SBNO2: variants seen among roughly 807,000 people sequenced by gnomAD.
SBNO2 encodes the protein protein strawberry notch homolog 2.
In SBNO2, 89 loss-of-function variants were observed where a neutral mutation model predicts 146.3. The ratio of observed to expected loss-of-function variants is 0.61; its 90% CI spans 0.51 to 0.73. The LOEUF (loss-of-function observed/expected upper bound fraction) is 0.73. Among genes scored for constraint, SBNO2 ranks in the 30% least tolerant of loss-of-function variants. The probability of loss-of-function intolerance (pLI) is 0.00; values close to 1 mark genes in which losing one functional copy is unlikely to be tolerated. For missense variants in SBNO2, 2,092 were observed against 2,003.7 expected (o/e 1.04, Z -0.84); for synonymous variants, 1,147 against 892.6 (o/e 1.29, Z -5.08).
At chr19:1,122,631 C>T (rs1443345976) in intron 9 of SBNO2, 27 bp downstream of exon 9, 27 of 1,520,682 alleles carry the variant, frequency 1.8e-5, no homozygotes, top group African/African-American at 4.1e-5. Flanking sequence ...CCCCCGCTCC[C>T]GCCCCCTGCC....
intron 4 of SBNO2, among the ~76,000 whole-genome samples, chr19:1,133,199 G>C (rs1334833423): frequency 6.6e-6 from 1 of 152,136 alleles, no homozygotes; most frequent in African/African-American, 2.4e-5. Context: ...AGCGACTGAC[G>C]GGGCAGAGGC....
At position 1,127,666 on chromosome 19, in the gene SBNO2, C is replaced by T. The variant is rs749017010; in HGVS notation, c.379G>A (p.Asp127Asn). The T allele has an allele frequency of 1.2e-6, 2 of 1,613,542 alleles. No individual in the cohort carries two copies. Among genetic ancestry groups the T allele is most frequent in the South Asian group, 2.2e-5 (2 of 91,086 alleles). ...ATGGTGGACACCTGGTTGAGGCTGT[C>T]AGCCGGCAGGAAGTCGGGCGTGTCC... ...IVDTPDFLPADSLNQVSTIWD... is the reference protein window; with the variant it reads ...IVDTPDFLPANSLNQVSTIWD... The change falls in exon 5 of 32, where the codon GAC becomes AAC. Residue 127 changes from aspartate to asparagine, a missense_variant. Physicochemically the swap from Asp to Asn is conservative, Grantham distance 23 (BLOSUM62 1). Coordinates refer to ENST00000361757, the MANE Select transcript of SBNO2 (RefSeq NM_014963.3).
At chr19:1,174,062 C>T (rs962765475) in intron 1 of SBNO2, 110 bp downstream of exon 1, 4 of 151,056 alleles carry the variant, frequency 2.6e-5, no homozygotes, top group Non-Finnish European at 4.4e-5. Flanking sequence ...GCCCCCAGAA[C>T]CCCCAGCCCC....
At chr19:1,168,762 G>A (rs1209509933) in intron 1 of SBNO2, 1 of 152,260 alleles carries the variant, frequency 6.6e-6, no homozygotes, top group East Asian at 1.9e-4. Flanking sequence ...CCGGGGCCAT[G>A]GCGGGCAGGG....
intron 5 of SBNO2, among the ~76,000 whole-genome samples, chr19:1,125,391 C>T (rs1304857713): frequency 1.4e-5 from 2 of 143,558 alleles, no homozygotes; most frequent in Non-Finnish European, 1.5e-5. Flanking sequence ...TGAGCGTGGG[C>T]CGGGCATGGT....
rs1432305741 is a variant in SBNO2, at chr19:1,140,843, C to T, written c.279+6466G>A. Among the ~76,000 whole-genome samples the T allele has an allele frequency of 6.6e-6, 1 of 152,126 alleles. No homozygotes were observed. The highest frequency in any genetic ancestry group is 1.9e-4 in the East Asian group (1 of 5,186). On this transcript the variant is annotated intron_variant, in intron 4 of 31. Transcript: ENST00000361757. The surrounding 1 kb of genome is among the most constrained non-coding windows in gnomAD (Gnocchi z 4.4). ...AAATGGATGGTGAAGGAACCCCGTC[C>T]CCGCCAAGCGGCCAAAGTTACCAGC... is the stretch of plus-strand genomic sequence containing the variant.
In SBNO2 at chr19:1,126,171, T is replaced by G. The variant is rs1341060534; in HGVS notation, c.441+1433A>C. Among the ~76,000 whole-genome samples, 1 of 152,178 alleles carries G rather than the reference T, an allele frequency of 6.6e-6. No homozygotes were observed. Among genetic ancestry groups the G allele is most frequent in the African/African-American group, 2.4e-5 (1 of 41,440 alleles). On this transcript the variant is annotated intron_variant, in intron 5 of 31. Transcript: ENST00000361757. The surrounding 1 kb of genome is among the most constrained non-coding windows in gnomAD (Gnocchi z 4.4). Reference sequence around the variant, plus strand: ...GATGCTAATGAACTGAGTCCACAGCTTCTGCATTTTCTAACACTAGGAACA... The same window carrying G: ...GATGCTAATGAACTGAGTCCACAGCGTCTGCATTTTCTAACACTAGGAACA...
intron 4 of SBNO2, among the ~76,000 whole-genome samples, chr19:1,137,109 G>T (rs2080091397): frequency 6.7e-6 from 1 of 148,936 alleles, no homozygotes; most frequent in Admixed American, 6.7e-5. Flanking sequence ...CAAGGGATGG[G>T]CGAGGGGCAG....
intron 4 of SBNO2, among the ~76,000 whole-genome samples, chr19:1,146,396 A>G (rs1351199653): frequency 1.3e-5 from 2 of 152,112 alleles, no homozygotes; most frequent in African/African-American, 4.8e-5. Context: ...AATTGGCTCC[A>G]TTCTGCTGCA....
At position 1,136,046 on chromosome 19, in the gene SBNO2, C is replaced by G. The variant is rs936653143; in HGVS notation, c.280-8281G>C. On this transcript the variant is annotated intron_variant, in intron 4 of 31. Coordinates refer to ENST00000361757, the MANE Select transcript of SBNO2 (RefSeq NM_014963.3). The surrounding 1 kb of genome is among the most constrained non-coding windows in gnomAD (Gnocchi z 4.2). ...AAAAAAAAAGGCCGCACTGGCCGAG[C>G]GGGTGTTCTGTGCCTGGTGTCCTCA... is the stretch of plus-strand genomic sequence containing the variant. Among the ~76,000 whole-genome samples the G allele has an allele frequency of 6.6e-6, 1 of 152,012 alleles. No homozygotes were observed. Among genetic ancestry groups the G allele is most frequent in the African/African-American group, 2.4e-5 (1 of 41,392 alleles).
Position 1,112,709 on chromosome 19 carries a change from G to GCA in SBNO2, c.2379+107_2379+108dup, listed in dbSNP as rs912886696. On this transcript the variant is annotated intron_variant, in intron 20 of 31. Coordinates refer to ENST00000361757, the MANE Select transcript of SBNO2 (RefSeq NM_014963.3). This position sits in a 1 kb window ranked among gnomAD's most constrained non-coding sequence, Gnocchi z 5.9. ...ACACGGCCACTCGCGCCCGCACCTGGCACACACACACTCCAGAAGTGCGCG... is the reference window on the plus strand; with the variant it reads ...ACACGGCCACTCGCGCCCGCACCTGGCACACACACACACTCCAGAAGTGCGCG... 30 of 1,441,138 alleles carry GCA rather than the reference G, an allele frequency of 2.1e-5. No individual in the cohort carries two copies. In the Admixed American group the frequency reaches 4.8e-4, roughly 23 times the overall value. The allele number at this position is 1,441,138 out of a possible 1,614,324, so 89.3% of individuals were successfully genotyped here.
intron 3 of SBNO2, among the ~76,000 whole-genome samples, chr19:1,148,416 AC>A (rs940215322): frequency 2.7e-5 from 4 of 147,198 alleles, no homozygotes; most frequent in Admixed American, 6.8e-5. Flanking sequence ...GCCAACTCCT[AC>A]CCCCCCTGCA....
intron 1 of SBNO2, among the ~76,000 whole-genome samples, chr19:1,160,848 A>T (rs1161099888): frequency 1.3e-5 from 2 of 151,954 alleles, no homozygotes; most frequent in African/African-American, 4.8e-5. Context: ...AATCATTTTC[A>T]TAGTAACATG....
rs760820981 is a variant in SBNO2 at position 1,109,198 on chromosome 19, T to G, written c.3362A>C (p.Glu1121Ala). The change falls in exon 30 of 32, where the codon GAG (glutamate) becomes GCG (alanine). Residue 1121 changes from glutamate (E) to alanine (A), a missense_variant. By Grantham distance (107) the Glu-to-Ala change is moderately radical. Coordinates refer to ENST00000361757, the MANE Select transcript of SBNO2 (RefSeq NM_014963.3). The surrounding 1 kb of genome is among the most constrained non-coding windows in gnomAD (Gnocchi z 4.2). ...GCCACTCTCCCAGGGCTCCTTGGCC[T>G]CCTCCGCGGTGACCTAGGGACACAG... is the stretch of plus-strand genomic sequence containing the variant. ...RRKFHRVTAE[E>A]AKEPWESGYA... 29 of 1,564,584 alleles carry G rather than the reference T, an allele frequency of 1.9e-5. No homozygotes were observed. The highest frequency in any genetic ancestry group is 1.7e-4 in the Middle Eastern group (1 of 6,034).
At chr19:1,147,089 G>A (rs997946545) in intron 4 of SBNO2, among the ~76,000 whole-genome samples, 1 of 152,112 alleles carries the variant, frequency 6.6e-6, no homozygotes, top group Non-Finnish European at 1.5e-5. Context: ...GGCTGGGCGG[G>A]GCTCACTGCT....
intron 1 of SBNO2, 100 bp from the exon 2 acceptor site, chr19:1,154,502 T>C (rs1391170644): frequency 2.7e-6 from 1 of 377,274 alleles, no homozygotes; most frequent in Non-Finnish European, 4.7e-6. Context: ...CAGCCTGGGC[T>C]GCAGCTCCTG....
intron 4 of SBNO2, among the ~76,000 whole-genome samples, chr19:1,146,238 A>T (rs10414542): frequency 6.6e-6 from 1 of 152,008 alleles, no homozygotes; most frequent in African/African-American, 2.4e-5. Context: ...GGGGAGGCGG[A>T]CTTGACGGAC....
chr19:1,142,200 T>C (rs1218661383), intron 4 of SBNO2, among the ~76,000 whole-genome samples: 1 of 76,818 alleles, frequency 1.3e-5, no homozygotes, highest in Non-Finnish European at 2.7e-5. Flanking sequence ...CCTCACTCAA[T>C]GACCTCCCTC....
chr19:1,137,094 G>A lies in SBNO2; in HGVS notation c.280-9329C>T, dbSNP rs78969955. Among the ~76,000 whole-genome samples, 580 of 149,644 alleles carry A rather than the reference G, an allele frequency of 3.9e-3. 4 individuals are homozygous for A. The highest frequency in any genetic ancestry group is 0.014 in the African/African-American group (557 of 40,382). On this transcript the variant is annotated intron_variant, in intron 4 of 31. Transcript: ENST00000361757. ...AAGGAGCACCCCCACCCCAGGAACA[G>A]GCGGCAAGGGATGGGCGAGGGGCAG...
Sources: gnomAD v4.1 joint callset for allele counts (sites outside exome capture counted in the v4.1 genomes callset) on GRCh38, gnomAD v4.1.1 for gene constraint, Gnocchi (gnomAD v3.1) non-coding constraint, MANE v1.5 for transcripts, NCBI Gene and HGNC (gene_info 2026-07-23, HGNC 2026-07-21) for gene names.